The following MICU3 variants were observed in gnomAD, a reference collection of about 807,000 sequenced individuals.
MICU3 encodes mitochondrial calcium uptake 3.
Under a neutral mutation model 66.5 loss-of-function variants are expected in MICU3, and 62 were observed. The observed-to-expected ratio is 0.93, with a 90% CI of 0.76 to 1.15. MICU3 has a LOEUF of 1.15. Ranked by LOEUF, MICU3 falls within the 50% of genes most tolerant of loss-of-function variation. The pLI is 0.00. For missense variants in MICU3, 779 were observed against 664.4 expected (o/e 1.17, Z -1.90); for synonymous variants, 308 against 240.7 (o/e 1.28, Z -2.59).
intron 1 of MICU3, among the ~76,000 whole-genome samples, chr8:17,045,728 A>G (rs1814963292): frequency 6.6e-6 from 1 of 152,206 alleles, no homozygotes; most frequent in Non-Finnish European, 1.5e-5. Flanking sequence ...TTTATAAAGG[A>G]AAGAGGTTTG....
At chr8:17,096,973 G>A (rs965590949) in intron 8 of MICU3, among the ~76,000 whole-genome samples, 18 of 150,830 alleles carry the variant, frequency 1.2e-4, no homozygotes, top group Non-Finnish European at 2.2e-4. Flanking sequence ...GTGTGTGTGT[G>A]TGTGTGTGTG....
At chr8:17,135,492 T>C in the MICU3 span, among the ~76,000 whole-genome samples, 4 of 152,122 alleles carry the variant, frequency 2.6e-5, no homozygotes, top group African/African-American at 9.6e-5. Flanking sequence ...AGCACTTAAC[T>C]GAACTCTTGG....
chr8:17,092,979 A>G (rs1025339137), intron 8 of MICU3, among the ~76,000 whole-genome samples: 3 of 152,014 alleles, frequency 2.0e-5, no homozygotes, highest in South Asian at 2.1e-4. Context: ...GCTTTTTACT[A>G]TGGAGATAGA....
At chr8:17,134,781 A>G in the MICU3 span, among the ~76,000 whole-genome samples, 1 of 152,062 alleles carries the variant, frequency 6.6e-6, no homozygotes, top group Non-Finnish European at 1.5e-5. Flanking sequence ...CTTTCAAATG[A>G]TTGGATGTGG....
chr8:17,105,076 G>A (rs1429271479), intron 10 of MICU3, among the ~76,000 whole-genome samples: 6 of 149,164 alleles, frequency 4.0e-5, no homozygotes, highest in African/African-American at 1.5e-4. Flanking sequence ...AAGAAAGTAT[G>A]TTGCCAATTC....
In MICU3 at chr8:17,114,814, T is replaced by C. The variant is rs1273104538; in HGVS notation, c.1366+613T>C. On this transcript the variant is annotated intron_variant, in intron 12 of 14. Coordinates refer to ENST00000318063, the MANE Select transcript of MICU3 (RefSeq NM_181723.3). ...CTGTCTCTGCCATAATCTGTGTTAA[T>C]GCACAAGCTTAAACCCCAGAGGAGG... Among the ~76,000 whole-genome samples, 6 of 152,306 alleles carry C rather than the reference T, an allele frequency of 3.9e-5. 1 individual carries two copies. In the South Asian group the frequency reaches 1.2e-3, roughly 32 times the overall value.
intron 8 of MICU3, among the ~76,000 whole-genome samples, chr8:17,094,419 CAT>C (rs141754203): frequency 0.012 from 1,885 of 152,022 alleles, 28 homozygotes; most frequent in Non-Finnish European, 0.017. Context: ...TTTAAAAACT[CAT>C]ATGTTAACAT....
intron 11 of MICU3, among the ~76,000 whole-genome samples, chr8:17,109,460 A>G (rs1370969368): frequency 1.3e-5 from 2 of 152,190 alleles, no homozygotes; most frequent in Non-Finnish European, 2.9e-5. Flanking sequence ...CAAATATATC[A>G]TGATATATCT....
rs1320505305 is a variant in MICU3, at chr8:17,104,721, C to T, written c.1085+230C>T. The stretch of plus-strand genomic sequence containing the variant: ...TTAAAAATTCCAGATATCGGCCGGG[C>T]GCGGTGGCTCACGCCTGTAATCCCA... On this transcript the variant is annotated intron_variant, in intron 10 of 14. Coordinates refer to ENST00000318063, the MANE Select transcript of MICU3 (RefSeq NM_181723.3). 1.1e-4 allele frequency among the ~76,000 whole-genome samples: 4 copies of T among 35,244 alleles called. 2 individuals are homozygous for T. In the African/African-American group the frequency reaches 3.0e-3, roughly 26 times the overall value. The allele number at this position is 35,244 out of a possible 152,430, so 23.1% of individuals were successfully genotyped here.
At chr8:17,054,590 C>T (rs905922456) in intron 1 of MICU3, among the ~76,000 whole-genome samples, 3 of 152,110 alleles carry the variant, frequency 2.0e-5, no homozygotes, top group Non-Finnish European at 4.4e-5. Context: ...CTGTAGGATA[C>T]TAATAATACT....
At chr8:17,045,004 G>A (rs2150544541) in intron 1 of MICU3, among the ~76,000 whole-genome samples, 1 of 151,760 alleles carries the variant, frequency 6.6e-6, no homozygotes, top group East Asian at 1.9e-4. Context: ...CCTGAAAAAG[G>A]TAACCTTTAT....
At chr8:17,106,447 A>G (rs981670097) in intron 11 of MICU3, among the ~76,000 whole-genome samples, 1 of 151,554 alleles carries the variant, frequency 6.6e-6, no homozygotes, top group African/African-American at 2.4e-5. Context: ...AATTTTTCCA[A>G]TTCATAGGTA....
rs1304429728 is a variant in MICU3 at position 17,105,565 on chromosome 8, ACAGTATAC to A, written c.1240_1247del (p.Ser414Ter). On this transcript the variant is annotated frameshift_variant, in exon 11 of 15. Transcript: ENST00000318063. LOFTEE classifies it high-confidence loss of function. Reference sequence around the variant, plus strand: ...TCAGTATTTTTAGAAAATGTGCGTTACAGTATACCTGAAGAAAAGGTATCTAATCCTCA... The same window carrying A: ...TCAGTATTTTTAGAAAATGTGCGTTACTGAAGAAAAGGTATCTAATCCTCA... 5.2e-6 allele frequency: 8 copies of A among 1,541,736 alleles called. No individual in the cohort carries two copies. The highest frequency in any genetic ancestry group is 8.7e-7 in the Non-Finnish European group (1 of 1,144,764).
At chr8:17,116,202 C>T (rs1802665228) in intron 12 of MICU3, among the ~76,000 whole-genome samples, 2 of 152,170 alleles carry the variant, frequency 1.3e-5, no homozygotes, top group South Asian at 4.1e-4. Flanking sequence ...AGTAGGTGCT[C>T]ATTAAACATT....
At chr8:17,062,674 T>G (rs913576888) in intron 1 of MICU3, among the ~76,000 whole-genome samples, 3 of 152,186 alleles carry the variant, frequency 2.0e-5, no homozygotes. Context: ...AAGTATAATT[T>G]GTGTGTTACT....
chr8:17,079,123 A>T (rs1030061779), intron 4 of MICU3, among the ~76,000 whole-genome samples: 4 of 148,448 alleles, frequency 2.7e-5, no homozygotes, highest in Non-Finnish European at 4.5e-5. Context: ...GGCATATCCT[A>T]ATCCTTCTCA....
chr8:17,077,588 A>G (rs978878532), intron 3 of MICU3, among the ~76,000 whole-genome samples, 195 bp from the exon 4 acceptor site: 19 of 152,162 alleles, frequency 1.2e-4, no homozygotes, highest in Admixed American at 1.2e-3. Flanking sequence ...CCTCTTCATC[A>G]TTTATTTTAT....
At chr8:17,085,622 A>C (rs1799389840) in intron 6 of MICU3, among the ~76,000 whole-genome samples, 2 of 152,062 alleles carry the variant, frequency 1.3e-5, no homozygotes, top group Non-Finnish European at 2.9e-5. Flanking sequence ...TGCCCAATTA[A>C]TATTCAGTCC....
At chr8:17,109,751 A>AT (rs1456627286) in intron 11 of MICU3, among the ~76,000 whole-genome samples, 1 of 152,192 alleles carries the variant, frequency 6.6e-6, no homozygotes, top group Non-Finnish European at 1.5e-5. Context: ...TAATTTAAAA[A>AT]TTTTTAAAAT....
Sources: allele counts gnomAD v4.1 joint callset (sites outside exome capture counted in the v4.1 genomes callset), GRCh38; gene constraint gnomAD v4.1.1; transcripts MANE v1.5; gene names NCBI Gene and HGNC (gene_info 2026-07-23, HGNC 2026-07-21).